ESR2: variants seen among roughly 807,000 people sequenced by gnomAD.
ESR2 encodes estrogen receptor beta.
ESR2 carries 36 observed loss-of-function variants against 49.6 expected under a neutral mutation model. That is an observed-to-expected ratio of 0.73 (90% CI 0.56 to 0.96). The LOEUF is 0.96. Among genes scored for constraint, ESR2 ranks in the 40% least tolerant of loss-of-function variants. The pLI, the probability that ESR2 is intolerant of heterozygous loss-of-function variation, is 0.00. For synonymous variants in ESR2, 320 were observed against 266.1 expected (o/e 1.20, Z -1.97); for missense variants, 714 against 693.0 (o/e 1.03, Z -0.34).
At chr14:64,315,469 A>T (rs535970366) in intron 1 of ESR2, among the ~76,000 whole-genome samples, 14 of 151,756 alleles carry the variant, frequency 9.2e-5, no homozygotes, top group African/African-American at 3.4e-4. Flanking sequence ...ATCTTTTTTT[A>T]ATGTTTTATT....
intron 4 of ESR2, among the ~76,000 whole-genome samples, chr14:64,261,597 T>C (rs1213051179): frequency 6.6e-6 from 1 of 152,088 alleles, no homozygotes; most frequent in Non-Finnish European, 1.5e-5. Context: ...TTTATATTTT[T>C]AGTAGAGATG....
chr14:64,306,870 T>C (rs1300689931), intron 1 of ESR2, among the ~76,000 whole-genome samples: 1 of 152,208 alleles, frequency 6.6e-6, no homozygotes, highest in East Asian at 1.9e-4. Context: ...TCCTTAATCA[T>C]TTGGTATAAT....
intron 1 of ESR2, among the ~76,000 whole-genome samples, chr14:64,337,039 CA>C (rs1403931048): frequency 6.6e-6 from 1 of 152,190 alleles, no homozygotes; most frequent in African/African-American, 2.4e-5. Flanking sequence ...AGGGCAGGAA[CA>C]GTTCACTACG....
intron 1 of ESR2, among the ~76,000 whole-genome samples, chr14:64,323,636 T>C (rs1386547559): frequency 6.6e-6 from 1 of 152,224 alleles, no homozygotes; most frequent in African/African-American, 2.4e-5. Context: ...GATGAGATGA[T>C]ATATTTATCT....
At chr14:64,309,607 C>CAAAAAAAAAAAAAAAAAAAA (rs545143689) in intron 1 of ESR2, among the ~76,000 whole-genome samples, 96 of 125,866 alleles carry the variant, frequency 7.6e-4, no homozygotes, top group African/African-American at 3.2e-3. Flanking sequence ...AACTCCATCT[C>CAAAAAAAAAAAAAAAAAAAA]AAAAAAAAAA....
intron 1 of ESR2, among the ~76,000 whole-genome samples, chr14:64,306,862 C>A (rs935439897): frequency 2.0e-5 from 3 of 152,148 alleles, no homozygotes; most frequent in African/African-American, 4.8e-5. Flanking sequence ...GTTATTTCTC[C>A]TTAATCATTT....
intron 1 of ESR2, among the ~76,000 whole-genome samples, chr14:64,331,690 G>A (rs2077460702): frequency 6.6e-6 from 1 of 151,932 alleles, no homozygotes; most frequent in South Asian, 2.1e-4. Context: ...GCCGAGCGTG[G>A]TGGCGCGCCT....
At chr14:64,327,702 C>G (rs983259343) in intron 1 of ESR2, among the ~76,000 whole-genome samples, 2 of 149,976 alleles carry the variant, frequency 1.3e-5, no homozygotes, top group Non-Finnish European at 3.0e-5. Flanking sequence ...CTCAAAAATA[C>G]AAATACAAAC....
exon 1 of ESR2, chr14:64,337,938 T>TC (rs2077552117): frequency 6.6e-6 from 1 of 152,544 alleles, no homozygotes; most frequent in Non-Finnish European, 1.5e-5. Flanking sequence ...TGAGCGCGGT[T>TC]CCTCCAGCAG....
At chr14:64,280,194 G>A in intron 2 of ESR2, 41 bp from the exon 3 acceptor site, 4 of 1,447,600 alleles carry the variant, frequency 2.8e-6, no homozygotes, top group Admixed American at 1.9e-5. Flanking sequence ...GAGCATAAAA[G>A]GGAAAGGAAG....
At chr14:64,326,196 TTCCTCAGCAATATTTTACC>T (rs1420322068) in intron 1 of ESR2, among the ~76,000 whole-genome samples, 2 of 152,164 alleles carry the variant, frequency 1.3e-5, no homozygotes, top group East Asian at 3.8e-4. Context: ...ACTATTTTAC[TTCCTCAGCAATATTTTACC>T]CCCAACAGAC....
Position 64,321,997 on chromosome 14 carries a change from C to T in ESR2, c.-91+15901G>A, listed in dbSNP as rs182600955. Among the ~76,000 whole-genome samples, 512 of 152,162 alleles carry T rather than the reference C, an allele frequency of 3.4e-3. 2 individuals are homozygous for T. The highest frequency in any genetic ancestry group is 0.011 in the African/African-American group (470 of 41,498). On this transcript the variant is annotated intron_variant, in intron 1 of 8. Coordinates refer to the ESR2 transcript ENST00000358599. ...TGACGTAACCCAAACCTCAGCATCACGCATTATGCCCATGTAACAAACCTG... is the reference window on the plus strand; with the variant it reads ...TGACGTAACCCAAACCTCAGCATCATGCATTATGCCCATGTAACAAACCTG...
chr14:64,289,522 A>G (rs1304772634), intron 1 of ESR2, among the ~76,000 whole-genome samples: 1 of 151,554 alleles, frequency 6.6e-6, no homozygotes, highest in Non-Finnish European at 1.5e-5. Flanking sequence ...CAAAAAAAAT[A>G]AAGAAAAAGA....
chr14:64,283,561 C>T (rs539757091), intron 1 of ESR2, among the ~76,000 whole-genome samples: 69 of 151,776 alleles, frequency 4.5e-4, no homozygotes, highest in African/African-American at 1.6e-3. Flanking sequence ...GAGTTCGAGA[C>T]CAGCCTGGGC....
At chr14:64,263,111 T>C (rs2076253932) in intron 4 of ESR2, among the ~76,000 whole-genome samples, 1 of 152,116 alleles carries the variant, frequency 6.6e-6, no homozygotes, top group Non-Finnish European at 1.5e-5. Context: ...AAATTGACCA[T>C]TTAAGAGTGA....
In ESR2 at chr14:64,268,735, C is replaced by G; in HGVS notation, c.652+60G>C. ...TTTCCCGGCTACCTGTCCCCAGTTC[C>G]TCAGAGGACAGGGCTTTTAGCAAGG... On this transcript the variant is annotated intron_variant, in intron 4 of 8. Transcript: ENST00000341099. The G allele has an allele frequency of 6.2e-6, 6 of 963,058 alleles. No homozygotes were observed. The South Asian group carries it at 8.4e-5, about 13-fold the overall frequency. The allele number at this position is 963,058 out of a possible 1,614,324, so 59.7% of individuals were successfully genotyped here. A position where few individuals can be genotyped will look rare whatever the true frequency, so the allele number is the denominator to read the frequency against.
intron 3 of ESR2, among the ~76,000 whole-genome samples, chr14:64,272,593 C>T (rs2076473602): frequency 6.6e-6 from 1 of 152,114 alleles, no homozygotes; most frequent in African/African-American, 2.4e-5. Context: ...AGATAGGGAT[C>T]TAGTTTTATT....
intron 1 of ESR2, among the ~76,000 whole-genome samples, chr14:64,327,298 C>T (rs112338759): frequency 5.5e-4 from 84 of 152,280 alleles, no homozygotes; most frequent in African/African-American, 1.9e-3. Flanking sequence ...CAGTGGCAAA[C>T]GCCTGTAATC....
At chr14:64,257,120 C>T in intron 6 of ESR2, 106 bp downstream of exon 6, 1 of 1,021,724 alleles carries the variant, frequency 9.8e-7, no homozygotes, top group South Asian at 1.4e-5. Flanking sequence ...TCATCCTCTG[C>T]CCTGCAAGTG....
Sources: gnomAD v4.1 joint callset for allele counts (sites outside exome capture counted in the v4.1 genomes callset) on GRCh38, gnomAD v4.1.1 for gene constraint, MANE v1.5 for transcripts, NCBI Gene and HGNC (gene_info 2026-07-23, HGNC 2026-07-21) for gene names.